PPP2R2D: variants seen among roughly 807,000 people sequenced by gnomAD.
The protein encoded by PPP2R2D is protein phosphatase 2 regulatory subunit Bdelta.
PPP2R2D carries 9 observed loss-of-function variants against 31.1 expected under a neutral mutation model. The observed-to-expected ratio is 0.29, with a 90% CI of 0.17 to 0.51. The LOEUF (loss-of-function observed/expected upper bound fraction) is 0.51. Among genes scored for constraint, PPP2R2D ranks in the 20% least tolerant of loss-of-function variants. PPP2R2D has a pLI of 0.98. For synonymous variants in PPP2R2D, 179 were observed against 172.6 expected (o/e 1.04, Z -0.29); for missense variants, 391 against 465.6 (o/e 0.84, Z 1.48).
chr10:131,908,499 T>G (rs1398368117), intron 2 of PPP2R2D, among the ~76,000 whole-genome samples: 1 of 152,152 alleles, frequency 6.6e-6, no homozygotes. Context: ...TCACATGTAT[T>G]ATTAGGCTCG....
chr10:131,909,576 C>T (rs2119731365), intron 2 of PPP2R2D, among the ~76,000 whole-genome samples: 1 of 152,302 alleles, frequency 6.6e-6, no homozygotes, highest in Non-Finnish European at 1.5e-5. Context: ...CAGCCATAGA[C>T]CCTGCAGAGA....
chr10:131,953,362 G>A (rs1333035139), intron 8 of PPP2R2D, among the ~76,000 whole-genome samples: 1 of 74,694 alleles, frequency 1.3e-5, no homozygotes, highest in Non-Finnish European at 2.4e-5. Flanking sequence ...TGTGCGGGGG[G>A]TTCACTTAGC....
intron 8 of PPP2R2D, among the ~76,000 whole-genome samples, chr10:131,949,405 G>A (rs748085246): frequency 2.7e-4 from 41 of 152,298 alleles, no homozygotes; most frequent in Admixed American, 1.8e-3. Context: ...GGCAAACTCC[G>A]TGAGAACACG....
At chr10:131,963,143 C>T (rs538664279), downstream of PPP2R2D, among the ~76,000 whole-genome samples, 9 of 152,210 alleles carry the variant, frequency 5.9e-5, no homozygotes, top group East Asian at 1.9e-4. Context: ...CCAGCCTAGG[C>T]GACAGAGTGA....
At chr10:131,907,644 G>C (rs2035617145) in intron 2 of PPP2R2D, among the ~76,000 whole-genome samples, 1 of 151,998 alleles carries the variant, frequency 6.6e-6, no homozygotes, top group South Asian at 2.1e-4. Flanking sequence ...TGGGGAGGCT[G>C]AGGCAGGAGA....
intron 2 of PPP2R2D, among the ~76,000 whole-genome samples, chr10:131,926,716 C>G (rs1037876383): frequency 7.2e-5 from 11 of 152,226 alleles, no homozygotes; most frequent in East Asian, 1.9e-4. Context: ...TCCAAAAACT[C>G]TCTGGCTGGA....
In PPP2R2D at chr10:131,914,655, C is replaced by T. The variant is rs992974027; in HGVS notation, c.100+13325C>T. Among the ~76,000 whole-genome samples, 7 of 151,990 alleles carry T rather than the reference C, an allele frequency of 4.6e-5. 1 individual carries two copies. Among genetic ancestry groups the T allele is most frequent in the African/African-American group, 1.7e-4 (7 of 41,388 alleles). ...TTTGTGGAGTAAGAGTGTTCTGGGC[C>T]CCTCGGAGAGCAGTCTGTGACACAT... On this transcript the variant is annotated intron_variant, in intron 2 of 8. Transcript: ENST00000455566.
intron 2 of PPP2R2D, among the ~76,000 whole-genome samples, chr10:131,901,557 C>G (rs913531326): frequency 2.6e-5 from 4 of 152,274 alleles, no homozygotes; most frequent in African/African-American, 7.2e-5. Context: ...CGCGGCGGGA[C>G]TTATGTAAGT....
chr10:131,916,023 G>A (rs763470042), intron 2 of PPP2R2D, among the ~76,000 whole-genome samples: 2 of 152,292 alleles, frequency 1.3e-5, no homozygotes, highest in South Asian at 2.1e-4. Context: ...ATCAGCATAC[G>A]GCTTTCTGTG....
chr10:131,914,068 G>T (rs2119756069), intron 2 of PPP2R2D, among the ~76,000 whole-genome samples: 1 of 152,324 alleles, frequency 6.6e-6, no homozygotes, highest in Non-Finnish European at 1.5e-5. Context: ...GGGGCAGCAG[G>T]TTTGCTGATA....
intron 2 of PPP2R2D, among the ~76,000 whole-genome samples, chr10:131,918,594 G>T (rs1482267255): frequency 7.3e-6 from 1 of 136,778 alleles, no homozygotes; most frequent in African/African-American, 2.8e-5. Flanking sequence ...ACCTAACGCG[G>T]GTGGAGTGAC....
intron 2 of PPP2R2D, among the ~76,000 whole-genome samples, chr10:131,921,817 G>A (rs2035993665): frequency 6.6e-6 from 1 of 152,154 alleles, no homozygotes; most frequent in African/African-American, 2.4e-5. Flanking sequence ...TGATTTGCCT[G>A]TAAATCAGAG....
downstream of PPP2R2D, among the ~76,000 whole-genome samples, chr10:131,964,664 A>ATTTTTTTTTTTTTTTTTTT (rs782297365): frequency 1.6e-5 from 2 of 126,752 alleles, no homozygotes; most frequent in Non-Finnish European, 1.6e-5. Flanking sequence ...AGAGTTTACT[A>ATTTTTTTTTTTTTTTTTTT]TGTTTTTTTT....
At chr10:131,909,744 T>C (rs1397023550) in intron 2 of PPP2R2D, among the ~76,000 whole-genome samples, 1 of 152,256 alleles carries the variant, frequency 6.6e-6, no homozygotes, top group East Asian at 1.9e-4. Flanking sequence ...TCTTAATAGT[T>C]ATATTGAGGA....
At chr10:131,955,157 AGTT>A (rs1300914354) in intron 8 of PPP2R2D, among the ~76,000 whole-genome samples, 1 of 152,220 alleles carries the variant, frequency 6.6e-6, no homozygotes, top group Non-Finnish European at 1.5e-5. Context: ...TGTGAAATGC[AGTT>A]GTTCTAAAAT....
At chr10:131,931,666 G>A (rs1228085665) in intron 2 of PPP2R2D, among the ~76,000 whole-genome samples, 2 of 152,196 alleles carry the variant, frequency 1.3e-5, no homozygotes, top group African/African-American at 2.4e-5. Flanking sequence ...CTTTGTTTTG[G>A]TGACTTCTTG....
At chr10:131,904,762 C>G (rs1401750529) in intron 2 of PPP2R2D, among the ~76,000 whole-genome samples, 4 of 152,162 alleles carry the variant, frequency 2.6e-5, no homozygotes, top group African/African-American at 4.8e-5. Context: ...CCTGGGTCCT[C>G]TCCTGACTTC....
intron 6 of PPP2R2D, among the ~76,000 whole-genome samples, chr10:131,944,437 T>C (rs557808597): frequency 6.9e-6 from 1 of 144,868 alleles, no homozygotes; most frequent in East Asian, 2.0e-4. Context: ...AAACCAACAT[T>C]ATGTGTTCTT....
intron 2 of PPP2R2D, among the ~76,000 whole-genome samples, chr10:131,933,815 C>T (rs1177976134): frequency 6.6e-6 from 1 of 152,074 alleles, no homozygotes; most frequent in Non-Finnish European, 1.5e-5. Context: ...GTTCCTTCTG[C>T]CCCGGGGTCT....
Sources: gnomAD v4.1 joint callset for allele counts (sites outside exome capture counted in the v4.1 genomes callset) on GRCh38, gnomAD v4.1.1 for gene constraint, MANE v1.5 for transcripts, NCBI Gene and HGNC (gene_info 2026-07-23, HGNC 2026-07-21) for gene names.